Variants in ZNF408 observed in about 807,000 individuals in gnomAD.
ZNF408 encodes zinc finger protein 408.
A neutral mutation model predicts 27.6 loss-of-function variants in ZNF408; 24 were observed. That is an observed-to-expected ratio of 0.87 (90% CI 0.63 to 1.22). The LOEUF (loss-of-function observed/expected upper bound fraction) is 1.22, where lower values mean the gene tolerates loss of function less well. Ranked by LOEUF, ZNF408 falls within the 50% of genes most tolerant of loss-of-function variation. The probability of loss-of-function intolerance (pLI) is 0.00; values close to 1 mark genes in which losing one functional copy is unlikely to be tolerated. For missense variants in ZNF408, 897 were observed against 949.0 expected (o/e 0.95, Z 0.72); for synonymous variants, 410 against 396.1 (o/e 1.04, Z -0.42).
Position 46,701,077 on chromosome 11 carries a change from G to A in ZNF408, c.30G>A (p.Glu10=), listed in dbSNP as rs767614212. Residue 10 remains glutamate (E), a synonymous_variant, in exon 1 of 5, where the codon GAG becomes GAA. Transcript: ENST00000311764. The stretch of plus-strand genomic sequence containing the variant: ...AGGAGGCGGAGGAGCTGCTCTTGGA[G>A]GGGAAGAAGGCGCTGCAACTCGGTG... The part of the protein sequence containing the change: MEEAEELLL[E]GKKALQLARE... 1 of 1,614,180 alleles carries A rather than the reference G, an allele frequency of 6.2e-7. No homozygotes were observed. The highest frequency in any genetic ancestry group is 1.1e-5 in the South Asian group (1 of 91,084).
In ZNF408 at chr11:46,702,997, G is replaced by T. The variant is rs879387793; in HGVS notation, c.406G>T (p.Gly136Cys). 1.9e-6 allele frequency: 3 copies of T among 1,614,006 alleles called. No homozygotes were observed. Among genetic ancestry groups the T allele is most frequent in the Non-Finnish European group, 2.5e-6 (3 of 1,179,880 alleles). Residue 136 changes from glycine to cysteine, a missense_variant, in exon 4 of 5, where the codon GGC (glycine) becomes TGC (cysteine). Coordinates refer to ENST00000311764, the MANE Select transcript of ZNF408 (RefSeq NM_024741.3). ...SSGWTSLVQR[G>C]RLESEGNVAP... ...TTTGCTTTGCAGCTTGGTACAACGG[G>T]GCAGGCTGGAGAGTGAGGGAAATGT...
rs201697919 is a variant in ZNF408 at position 46,705,837 on chromosome 11, G to A, written c.2137G>A (p.Val713Met). The A allele has an allele frequency of 3.4e-4, 554 of 1,612,236 alleles. No individual in the cohort carries two copies. The highest frequency in any genetic ancestry group is 4.5e-4 in the Non-Finnish European group (527 of 1,179,328). ...KDMGLGAWAEVVEVEMGT is the reference protein window; with the variant it reads ...KDMGLGAWAEMVEVEMGT ...CATGGGCCTCGGCGCCTGGGCAGAG[G>A]TGGTGGAGGTGGAGATGGGCACCTG... The change falls in exon 5 of 5, where the codon GTG becomes ATG. Residue 713 changes from valine to methionine, a missense_variant. Physicochemically the swap from Val to Met is conservative, Grantham distance 21 (BLOSUM62 1). Coordinates refer to ENST00000311764, the MANE Select transcript of ZNF408 (RefSeq NM_024741.3). The surrounding 1 kb of genome is among the most constrained non-coding windows in gnomAD (Gnocchi z 6.5).
intron 4 of ZNF408, among the ~76,000 whole-genome samples, chr11:46,703,751 T>C (rs1565694583): frequency 7.5e-6 from 1 of 133,208 alleles, no homozygotes; most frequent in African/African-American, 2.9e-5. Context: ...GTTTTGTTGT[T>C]GTTGTTGTTG....
intron 4 of ZNF408, among the ~76,000 whole-genome samples, chr11:46,704,023 G>A (rs1004365981): frequency 1.3e-5 from 2 of 151,922 alleles, no homozygotes; most frequent in Non-Finnish European, 2.9e-5. Flanking sequence ...GTGAGCCACC[G>A]TGCCCGGCTG....
In ZNF408 at chr11:46,701,883, G is replaced by A. The variant is rs1043852483; in HGVS notation, c.330+207G>A. 17 of 560,404 alleles carry A rather than the reference G, an allele frequency of 3.0e-5. No homozygotes were observed. In the Middle Eastern group the frequency reaches 2.0e-3, roughly 66 times the overall value. The allele number at this position is 560,404 out of a possible 1,614,324, so 34.7% of individuals were successfully genotyped here. On this transcript the variant is annotated intron_variant, in intron 2 of 4. Coordinates refer to ENST00000311764, the MANE Select transcript of ZNF408 (RefSeq NM_024741.3). Reference sequence around the variant, plus strand: ...TTGTTGAAAGCTGGAATCATACAGTGTCAGCAGTGAGTGAGGAAGGTCAAG... The same window carrying A: ...TTGTTGAAAGCTGGAATCATACAGTATCAGCAGTGAGTGAGGAAGGTCAAG...
chr11:46,701,192 G>C (rs1592397073), intron 1 of ZNF408, 93 bp downstream of exon 1: 1 of 1,603,710 alleles, frequency 6.2e-7, no homozygotes, highest in South Asian at 1.1e-5. Context: ...CTCTCCTCCG[G>C]ATCCCAGGAT....
chr11:46,703,572 A>ATAGATATTT (rs1458255675), intron 4 of ZNF408, among the ~76,000 whole-genome samples: 25 of 152,084 alleles, frequency 1.6e-4, no homozygotes, highest in Non-Finnish European at 3.5e-4. Flanking sequence ...GAATAACAAT[A>ATAGATATTT]TAGATATTTG....
chr11:46,702,419 G>A (rs1229132358), intron 2 of ZNF408, among the ~76,000 whole-genome samples: 1 of 152,146 alleles, frequency 6.6e-6, no homozygotes, highest in Non-Finnish European at 1.5e-5. Flanking sequence ...TTAAAAAGCT[G>A]GTGTTCCTTA....
chr11:46,701,808 A>C (rs1592397778), intron 2 of ZNF408, 132 bp downstream of exon 2: 2 of 1,185,042 alleles, frequency 1.7e-6, no homozygotes, highest in East Asian at 5.2e-5. Flanking sequence ...CCTTCTCTTC[A>C]GGACTGTCTC....
rs774627405 is a variant in ZNF408, at chr11:46,705,399, C to T, written c.1699C>T (p.Arg567Ter). 7 of 1,608,024 alleles carry T rather than the reference C, an allele frequency of 4.4e-6. No individual in the cohort carries two copies. Among genetic ancestry groups the T allele is most frequent in the Admixed American group, 1.7e-5 (1 of 59,986 alleles). The change falls in exon 5 of 5, where the codon CGA becomes TGA. Residue 567 changes from arginine to a stop codon, truncating the protein, a stop_gained. Coordinates refer to ENST00000311764, the MANE Select transcript of ZNF408 (RefSeq NM_024741.3). LOFTEE classifies it low-confidence loss of function (END_TRUNC). The surrounding 1 kb of genome is among the most constrained non-coding windows in gnomAD (Gnocchi z 6.5). ...GKALRDPHTLRAHERLHSGER... is the reference protein window; with the variant it reads ...GKALRDPHTL ...GGCCCTCCGAGACCCACACACGCTC[C>T]GAGCTCACGAGCGCCTGCACTCCGG... is the stretch of plus-strand genomic sequence containing the variant.
rs750837765 is a variant in ZNF408, at chr11:46,704,421, A to G, written c.721A>G (p.Thr241Ala). Residue 241 changes from threonine to alanine, a missense_variant, in exon 5 of 5, where the codon ACC becomes GCC. Coordinates refer to ENST00000311764, the MANE Select transcript of ZNF408 (RefSeq NM_024741.3). ...NMVSPGLKFP[T>A]QDRISKDSQP... ...GGTGAGCCCTGGACTTAAGTTCCCA[A>G]CCCAGGACCGAATTTCCAAGGATAG... 1.2e-6 allele frequency: 2 copies of G among 1,614,024 alleles called. No homozygotes were observed. The highest frequency in any genetic ancestry group is 8.5e-7 in the Non-Finnish European group (1 of 1,179,942).
Position 46,704,609 on chromosome 11 carries a change from C to T in ZNF408, c.909C>T (p.Gly303=). 6.2e-7 allele frequency: 1 copy of T among 1,613,936 alleles called. No homozygotes were observed. Among genetic ancestry groups the T allele is most frequent in the Non-Finnish European group, 8.5e-7 (1 of 1,179,994 alleles). Reference sequence around the variant, plus strand: ...CTGCCAGGGGCACCCAGCCGCATGGCTACCTGGCCAAGAAGTTACACAGCC... The same window carrying T: ...CTGCCAGGGGCACCCAGCCGCATGGTTACCTGGCCAAGAAGTTACACAGCC... The part of the protein sequence containing the change: ...SSSARGTQPH[G]YLAKKLHSPS... Residue 303 remains glycine (G), a synonymous_variant, in exon 5 of 5, where the codon GGC becomes GGT. Transcript: ENST00000311764.
chr11:46,701,080 G>A lies in ZNF408; in HGVS notation c.33G>A (p.Gly11=), dbSNP rs1440979483. ...AGGCGGAGGAGCTGCTCTTGGAGGG[G>A]AAGAAGGCGCTGCAACTCGGTGAGT... MEEAEELLLE[G]KKALQLAREP... The change falls in exon 1 of 5, where the codon GGG becomes GGA. Residue 11 remains glycine, a synonymous_variant. Coordinates refer to ENST00000311764, the MANE Select transcript of ZNF408 (RefSeq NM_024741.3). The A allele has an allele frequency of 1.7e-5, 27 of 1,614,038 alleles. No homozygotes were observed. The highest frequency in any genetic ancestry group is 2.1e-5 in the Non-Finnish European group (25 of 1,180,032).
At position 46,705,456 on chromosome 11, in the gene ZNF408, C is replaced by T. The variant is rs925018448; in HGVS notation, c.1756C>T (p.Arg586Cys). 3.7e-6 allele frequency: 6 copies of T among 1,607,510 alleles called. No individual in the cohort carries two copies. The highest frequency in any genetic ancestry group is 1.1e-5 in the South Asian group (1 of 91,066). Residue 586 changes from arginine to cysteine, a missense_variant, in exon 5 of 5, where the codon CGT (arginine) becomes TGT (cysteine). Transcript: ENST00000311764. The surrounding 1 kb of genome is among the most constrained non-coding windows in gnomAD (Gnocchi z 6.5). Reference sequence around the variant, plus strand: ...GCCCTTTCCCTGTCCCCAGTGTGGCCGTGCTTACACGCTGGCCACCAAGCT... The same window carrying T: ...GCCCTTTCCCTGTCCCCAGTGTGGCTGTGCTTACACGCTGGCCACCAAGCT... ...ERPFPCPQCG[R>C]AYTLATKLRR...
Position 46,703,025 on chromosome 11 carries a change from C to T in ZNF408, c.434C>T (p.Ala145Val). ...AGGCTGGAGAGTGAGGGAAATGTGG[C>T]CCCAGTGCGGATCAGCGAGAGGCTT... ...RGRLESEGNV[A>V]PVRISERLHL... Residue 145 changes from alanine (A) to valine (V), a missense_variant, in exon 4 of 5, where the codon GCC becomes GTC. By Grantham distance (64) the Ala-to-Val change is moderately conservative. Coordinates refer to ENST00000311764, the MANE Select transcript of ZNF408 (RefSeq NM_024741.3). 1 of 1,614,002 alleles carries T rather than the reference C, an allele frequency of 6.2e-7. No individual in the cohort carries two copies. The highest frequency in any genetic ancestry group is 8.5e-7 in the Non-Finnish European group (1 of 1,179,888).
Position 46,701,696 on chromosome 11 carries a change from C to A in ZNF408, c.330+20C>A, listed in dbSNP as rs1025759661. 23 of 1,521,192 alleles carry A rather than the reference C, an allele frequency of 1.5e-5. No individual in the cohort carries two copies. The highest frequency in any genetic ancestry group is 4.4e-5 in the Admixed American group (2 of 45,948). 94.2% of individuals were successfully genotyped at this position (1,521,192 alleles called of 1,614,324 possible). On this transcript the variant is annotated intron_variant, in intron 2 of 4. Transcript: ENST00000311764. Reference sequence around the variant, plus strand: ...GAGGAGGTATTGAAGGATAGAGCGACTTCCCTCCGCCCTTGAAAATGTAGG... The same window carrying A: ...GAGGAGGTATTGAAGGATAGAGCGAATTCCCTCCGCCCTTGAAAATGTAGG...
chr11:46,705,048 C>T lies in ZNF408; in HGVS notation c.1348C>T (p.Pro450Ser), dbSNP rs1161004245. ...GTGTGGCAAGGCCTTTGCCCGCCGG[C>T]CCTCCCTGCGGCTGCATCGCAAGAC... ...DQCGKAFARR[P>S]SLRLHRKTHQ... The change falls in exon 5 of 5, where the codon CCC (proline) becomes TCC (serine). Residue 450 changes from proline to serine, a missense_variant. Physicochemically the swap from Pro to Ser is moderately conservative, Grantham distance 74. Coordinates refer to ENST00000311764, the MANE Select transcript of ZNF408 (RefSeq NM_024741.3). This position sits in a 1 kb window ranked among gnomAD's most constrained non-coding sequence, Gnocchi z 6.5. 1 of 1,613,008 alleles carries T rather than the reference C, an allele frequency of 6.2e-7. No individual in the cohort carries two copies. Among genetic ancestry groups the T allele is most frequent in the African/African-American group, 1.3e-5 (1 of 74,934 alleles).
Position 46,704,961 on chromosome 11 carries a change from C to G in ZNF408, c.1261C>G (p.Gln421Glu), listed in dbSNP as rs371951145. 4.5e-5 allele frequency: 72 copies of G among 1,613,616 alleles called. 1 individual carries two copies. The South Asian group carries it at 5.8e-4, about 13-fold the overall frequency. Residue 421 changes from glutamine (Q) to glutamate (E), a missense_variant, in exon 5 of 5, where the codon CAG becomes GAG. Transcript: ENST00000311764. ...ACAATGCGACAAGGCCTATGGCACC[C>G]AGCGAGACCTCAAAGAGCACCAGGT... ...CPQCDKAYGT[Q>E]RDLKEHQVVH...
Position 46,701,548 on chromosome 11 carries a change from G to A in ZNF408, c.202G>A (p.Ala68Thr), listed in dbSNP as rs767091707. The change falls in exon 2 of 5, where the codon GCC becomes ACC. Residue 68 changes from alanine to threonine, a missense_variant. Coordinates refer to ENST00000311764, the MANE Select transcript of ZNF408 (RefSeq NM_024741.3). ...GGGCTTGGCCCTTGGCCCCTCACTC[G>A]CCAAGGAACAGCGCTTGGGGGTCTG... The part of the protein sequence containing the change: ...PRGLALGPSL[A>T]KEQRLGVWCV... 2 of 1,613,590 alleles carry A rather than the reference G, an allele frequency of 1.2e-6. No homozygotes were observed. Among genetic ancestry groups the A allele is most frequent in the African/African-American group, 1.3e-5 (1 of 75,020 alleles).
Sources: gnomAD v4.1 joint callset for allele counts (sites outside exome capture counted in the v4.1 genomes callset) on GRCh38, gnomAD v4.1.1 for gene constraint, Gnocchi (gnomAD v3.1) non-coding constraint, MANE v1.5 for transcripts, NCBI Gene and HGNC (gene_info 2026-07-23, HGNC 2026-07-21) for gene names.